SNX8: variants seen among roughly 807,000 people sequenced by gnomAD.
SNX8 encodes the protein sorting nexin 8, also known as sorting nexin-8.
A neutral mutation model predicts 51.6 loss-of-function variants in SNX8; 25 were observed. The observed-to-expected ratio is 0.48, with a 90% CI of 0.35 to 0.68. SNX8 has a LOEUF of 0.68. Among genes scored for constraint, SNX8 ranks in the 30% least tolerant of loss-of-function variants. The probability of loss-of-function intolerance (pLI) is 0.00; values close to 1 mark genes in which losing one functional copy is unlikely to be tolerated. For missense variants in SNX8, 695 were observed against 624.0 expected, an observed-to-expected ratio of 1.11 and a Z score of -1.21; for synonymous variants, 324 against 277.0, an observed-to-expected ratio of 1.17 and a Z score of -1.68.
chr7:2,275,588 G>A (rs191531728), intron 2 of SNX8, among the ~76,000 whole-genome samples: 1 of 152,080 alleles, frequency 6.6e-6, no homozygotes, highest in Admixed American at 6.5e-5. Context: ...TGTAGTCCCA[G>A]CTACTTTGGA....
intron 5 of SNX8, among the ~76,000 whole-genome samples, chr7:2,265,438 G>GT (rs571522721): frequency 6.4e-4 from 97 of 152,268 alleles, no homozygotes; most frequent in African/African-American, 2.2e-3. Context: ...GAGCCTGGGA[G>GT]TTTAAGAACA....
intron 5 of SNX8, among the ~76,000 whole-genome samples, chr7:2,268,116 G>T (rs945751902): frequency 2.1e-5 from 3 of 146,008 alleles, no homozygotes; most frequent in Admixed American, 1.3e-4. Context: ...GAGGGAGGTG[G>T]GGGGGTCAGC....
At chr7:2,268,509 GC>G (rs1475156927) in intron 5 of SNX8, among the ~76,000 whole-genome samples, 3 of 140,998 alleles carry the variant, frequency 2.1e-5, no homozygotes, top group Non-Finnish European at 4.7e-5. Context: ...TGGGGGGTCA[GC>G]CCCCCCGCCC....
At position 2,255,003 on chromosome 7, in the gene SNX8, T is replaced by A; in HGVS notation, c.*53A>T. On this transcript the variant is annotated 3_prime_UTR_variant, in exon 11 of 11. Coordinates refer to ENST00000222990, the MANE Select transcript of SNX8 (RefSeq NM_013321.4). ...AAGGGAATTACACCGGGACACACCG[T>A]TTGGAAAGAGGTTTTAGTGCGGCCG... 1.7e-6 allele frequency: 2 copies of A among 1,190,360 alleles called. No individual in the cohort carries two copies. The highest frequency in any genetic ancestry group is 2.4e-6 in the Non-Finnish European group (2 of 820,820). 73.7% of individuals were successfully genotyped at this position (1,190,360 alleles called of 1,614,324 possible).
chr7:2,257,151 G>C, intron 9 of SNX8, 128 bp from the exon 10 acceptor site: 4 of 1,265,832 alleles, frequency 3.2e-6, no homozygotes, highest in Non-Finnish European at 4.3e-6. Context: ...GCATTTGGAA[G>C]GTGGCGAGGT....
intron 1 of SNX8, among the ~76,000 whole-genome samples, chr7:2,311,706 G>C (rs1796660541): frequency 6.6e-6 from 1 of 152,160 alleles, no homozygotes; most frequent in Non-Finnish European, 1.5e-5. Context: ...GGGAGGCCGA[G>C]GCGGCTAGAT....
intron 5 of SNX8, 35 bp downstream of exon 5, chr7:2,269,523 TA>T (rs375189373): frequency 0.2 from 169,821 of 831,148 alleles, 234 homozygotes; most frequent in East Asian, 0.23. Flanking sequence ...AAAAATAAAT[TA>T]AAAAAAAAAA....
intron 1 of SNX8, among the ~76,000 whole-genome samples, chr7:2,330,419 G>A (rs1253059038): frequency 6.6e-6 from 1 of 152,122 alleles, no homozygotes; most frequent in Admixed American, 6.6e-5. Flanking sequence ...TTACAGGTGT[G>A]AGCCACCGTG....
chr7:2,344,033 C>CAAA (rs61399367), intron 1 of SNX8, among the ~76,000 whole-genome samples: 2 of 58,946 alleles, frequency 3.4e-5, no homozygotes, highest in Admixed American at 1.9e-4. Context: ...AACTCCATCT[C>CAAA]AAAAAAAAAA....
chr7:2,254,969 T>G lies in SNX8; in HGVS notation c.*87A>C, dbSNP rs1795139449. ...CACGGGGCGTGGCGGGGAGGGGAGC[T>G]GCCGTCCAAAGGGAATTACACCGGG... On this transcript the variant is annotated 3_prime_UTR_variant, in exon 11 of 11. Coordinates refer to ENST00000222990, the MANE Select transcript of SNX8 (RefSeq NM_013321.4). The G allele has an allele frequency of 1.1e-6, 1 of 924,342 alleles. No homozygotes were observed. The highest frequency in any genetic ancestry group is 2.6e-5 in the East Asian group (1 of 37,998). 57.3% of individuals were successfully genotyped at this position (924,342 alleles called of 1,614,324 possible). A position where few individuals can be genotyped will look rare whatever the true frequency, so the allele number is the denominator to read the frequency against.
chr7:2,327,206 T>C (rs1322337635), intron 1 of SNX8, among the ~76,000 whole-genome samples: 2 of 152,046 alleles, frequency 1.3e-5, no homozygotes, highest in African/African-American at 4.8e-5. Flanking sequence ...TCTCCTTGTA[T>C]GTCTGTCTTC....
intron 1 of SNX8, among the ~76,000 whole-genome samples, chr7:2,344,163 A>AC (rs1398865127): frequency 6.6e-6 from 1 of 151,760 alleles, no homozygotes; most frequent in African/African-American, 2.4e-5. Flanking sequence ...ATGATCACGT[A>AC]ATTGAGCCTG....
At chr7:2,323,311 C>T (rs1407143161) in intron 1 of SNX8, among the ~76,000 whole-genome samples, 1 of 115,338 alleles carries the variant, frequency 8.7e-6, no homozygotes, top group African/African-American at 3.3e-5. Flanking sequence ...GCCAGGGCGA[C>T]AGAGTGAGAG....
At chr7:2,273,644 C>G (rs1266526898) in intron 3 of SNX8, among the ~76,000 whole-genome samples, 6 of 151,664 alleles carry the variant, frequency 4.0e-5, no homozygotes, top group Non-Finnish European at 8.8e-5. Context: ...TGGCTCACAC[C>G]TGTAATCCCA....
intron 1 of SNX8, among the ~76,000 whole-genome samples, chr7:2,280,086 C>T (rs1180975643): frequency 6.6e-6 from 1 of 152,136 alleles, no homozygotes; most frequent in African/African-American, 2.4e-5. Context: ...AGAGAAAAAA[C>T]TCCAGGCCTG....
chr7:2,343,677 T>C (rs980061598), intron 1 of SNX8, among the ~76,000 whole-genome samples: 3 of 151,670 alleles, frequency 2.0e-5, no homozygotes, highest in South Asian at 2.1e-4. Context: ...CCAATCTCAA[T>C]AAATAAATAA....
chr7:2,270,072 G>A (rs977615387), intron 4 of SNX8, among the ~76,000 whole-genome samples: 92 of 152,146 alleles, frequency 6.0e-4, no homozygotes, highest in African/African-American at 2.1e-3. Context: ...TTCCTTCCTG[G>A]GAATGCATCC....
chr7:2,302,014 A>T (rs1349298192), intron 1 of SNX8, among the ~76,000 whole-genome samples: 2 of 152,076 alleles, frequency 1.3e-5, no homozygotes, highest in African/African-American at 2.4e-5. Flanking sequence ...AGGCCGAGGC[A>T]GGCAGATCAC....
At chr7:2,315,972 T>C (rs1796748995), upstream of SNX8, among the ~76,000 whole-genome samples, 1 of 137,966 alleles carries the variant, frequency 7.2e-6, no homozygotes, top group Non-Finnish European at 1.5e-5. Flanking sequence ...TCACTGCTTC[T>C]TCATACATTC....
Sources: allele counts gnomAD v4.1 joint callset (sites outside exome capture counted in the v4.1 genomes callset), GRCh38; gene constraint gnomAD v4.1.1; transcripts MANE v1.5; gene names NCBI Gene and HGNC (gene_info 2026-07-23, HGNC 2026-07-21).